The following PTPRG variants were observed in gnomAD, a reference collection of about 807,000 sequenced individuals.
The protein encoded by PTPRG is receptor-type tyrosine-protein phosphatase gamma.
A neutral mutation model predicts 165.3 loss-of-function variants in PTPRG; 102 were observed. That is an observed-to-expected ratio of 0.62 (90% CI 0.53 to 0.73). The LOEUF (loss-of-function observed/expected upper bound fraction) is 0.73, where lower values mean the gene tolerates loss of function less well. PTPRG is among the 30% of genes least tolerant of loss of function. The pLI is 0.00. For synonymous variants in PTPRG, 675 were observed against 669.5 expected, an observed-to-expected ratio of 1.01 and a Z score of -0.13; for missense variants, 1,866 against 1,861.4, an observed-to-expected ratio of 1.00 and a Z score of -0.05.
rs183199541 is a variant in PTPRG at position 61,996,852 on chromosome 3, T to C, written c.371-6497T>C. Among the ~76,000 whole-genome samples the C allele has an allele frequency of 3.1e-3, 474 of 152,292 alleles. 1 individual carries two copies. Among genetic ancestry groups the C allele is most frequent in the Non-Finnish European group, 5.6e-3 (379 of 68,026 alleles). ...CTCTTTGGCTAGATACTCTGCAAGC[T>C]GTGTTTCCTGTCTGCTAAGCTCCAT... is the stretch of plus-strand genomic sequence containing the variant. On this transcript the variant is annotated intron_variant, in intron 3 of 29. Transcript: ENST00000474889.
chr3:61,823,487 G>C (rs771952302), intron 2 of PTPRG, among the ~76,000 whole-genome samples: 2 of 152,070 alleles, frequency 1.3e-5, no homozygotes, highest in Non-Finnish European at 2.9e-5. Context: ...AGGCCTGGCC[G>C]CACAGGGGTT....
At chr3:62,011,915 A>G (rs1276444209) in intron 4 of PTPRG, among the ~76,000 whole-genome samples, 1 of 152,214 alleles carries the variant, frequency 6.6e-6, no homozygotes, top group Non-Finnish European at 1.5e-5. Context: ...AGCTGTTTGA[A>G]TCATACCAAA....
intron 2 of PTPRG, among the ~76,000 whole-genome samples, chr3:61,864,422 T>A (rs1306081022): frequency 6.6e-6 from 1 of 152,100 alleles, no homozygotes; most frequent in Non-Finnish European, 1.5e-5. Context: ...TCCCGATCGC[T>A]GAGTATGGAG....
At chr3:61,880,013 G>C (rs1292959546) in intron 2 of PTPRG, among the ~76,000 whole-genome samples, 2 of 152,148 alleles carry the variant, frequency 1.3e-5, no homozygotes, top group Non-Finnish European at 2.9e-5. Flanking sequence ...CCTAGTGATG[G>C]TTCCTTTGAC....
chr3:62,137,547 G>A (rs546139480), intron 6 of PTPRG, among the ~76,000 whole-genome samples: 5 of 152,150 alleles, frequency 3.3e-5, no homozygotes, highest in Non-Finnish European at 7.3e-5. Context: ...TGCAGGTGTT[G>A]CAGGTTTCAG....
intron 1 of PTPRG, among the ~76,000 whole-genome samples, chr3:61,724,699 G>A (rs1235625034): frequency 6.6e-6 from 1 of 152,058 alleles, no homozygotes; most frequent in Non-Finnish European, 1.5e-5. Context: ...TAGGTATGCA[G>A]TTATATCTCA....
chr3:61,811,043 G>A (rs1193662763), intron 2 of PTPRG, among the ~76,000 whole-genome samples: 2 of 152,130 alleles, frequency 1.3e-5, no homozygotes, highest in Admixed American at 6.5e-5. Flanking sequence ...TTGTTCGAAT[G>A]TGACACTTTC....
chr3:62,293,850 A>T lies in PTPRG; in HGVS notation c.*543A>T, dbSNP rs961099970. ...CTACTGGGACCTAAAAAGGTCTGTT[A>T]ATGTCATGGCCTTGAAACAGTTCCA... On this transcript the variant is annotated 3_prime_UTR_variant, in exon 30 of 30. Coordinates refer to ENST00000474889, the MANE Select transcript of PTPRG (RefSeq NM_002841.4). 1 of 152,514 alleles carries T rather than the reference A, an allele frequency of 6.6e-6. No homozygotes were observed. The highest frequency in any genetic ancestry group is 2.4e-5 in the African/African-American group (1 of 41,404). 9.4% of individuals were successfully genotyped at this position (152,514 alleles called of 1,614,324 possible).
chr3:61,638,618 T>TTTTTTG lies in PTPRG; in HGVS notation c.85+76246_85+76247insTTTTTG, dbSNP rs1553643112. Among the ~76,000 whole-genome samples, 330 of 116,266 alleles carry TTTTTTG rather than the reference T, an allele frequency of 2.8e-3. 11 individuals carry two copies. The highest frequency in any genetic ancestry group is 0.01 in the Middle Eastern group (2 of 194). The allele number at this position is 116,266 out of a possible 152,430, so 76.3% of individuals were successfully genotyped here. On this transcript the variant is annotated intron_variant, in intron 1 of 29. Coordinates refer to ENST00000474889, the MANE Select transcript of PTPRG (RefSeq NM_002841.4). The stretch of plus-strand genomic sequence containing the variant: ...TTTTTTTTTTTTTTTTTTTTTTTTT[T>TTTTTTG]GGGGTAGAGGGATTTCCCTATGTTG...
In PTPRG at chr3:61,817,039, A is replaced by G. The variant is rs527850948; in HGVS notation, c.190+68057A>G. On this transcript the variant is annotated intron_variant, in intron 2 of 29. Coordinates refer to ENST00000474889, the MANE Select transcript of PTPRG (RefSeq NM_002841.4). ...TATACTATATAATATATAGTATATAATATATAATATTATATATAATATATA... is the reference window on the plus strand; with the variant it reads ...TATACTATATAATATATAGTATATAGTATATAATATTATATATAATATATA... Among the ~76,000 whole-genome samples, 939 of 132,114 alleles carry G rather than the reference A, an allele frequency of 7.1e-3. 14 individuals carry two copies. The highest frequency in any genetic ancestry group is 0.024 in the African/African-American group (863 of 35,388). 86.7% of individuals were successfully genotyped at this position (132,114 alleles called of 152,430 possible).
intron 1 of PTPRG, among the ~76,000 whole-genome samples, chr3:61,647,645 A>G (rs1702239198): frequency 6.6e-6 from 1 of 152,070 alleles, no homozygotes; most frequent in Admixed American, 6.5e-5. Context: ...CAAAAAAATT[A>G]GCCGGGCGTG....
intron 2 of PTPRG, among the ~76,000 whole-genome samples, chr3:61,865,288 G>A (rs138618656): frequency 5.3e-4 from 81 of 152,286 alleles, no homozygotes; most frequent in African/African-American, 1.9e-3. Flanking sequence ...AACAACAGCA[G>A]TAATAATAGC....
At chr3:61,827,600 C>T (rs1341135018) in intron 2 of PTPRG, among the ~76,000 whole-genome samples, 2 of 152,170 alleles carry the variant, frequency 1.3e-5, no homozygotes, top group African/African-American at 4.8e-5. Context: ...TCATATTTCT[C>T]TGTCTATCTA....
At chr3:61,872,597 A>G (rs1028686195) in intron 2 of PTPRG, among the ~76,000 whole-genome samples, 1 of 152,068 alleles carries the variant, frequency 6.6e-6, no homozygotes, top group Non-Finnish European at 1.5e-5. Context: ...TGCTCACTCA[A>G]TATTAATCAC....
intron 5 of PTPRG, 130 bp from the exon 6 acceptor site, chr3:62,132,472 G>A (rs905542156): frequency 4.0e-5 from 29 of 718,736 alleles, no homozygotes; most frequent in Non-Finnish European, 7.2e-5. Context: ...TGAGAGCCAT[G>A]GTGTATGTGA....
intron 12 of PTPRG, among the ~76,000 whole-genome samples, chr3:62,207,304 A>C (rs1337318325): frequency 6.6e-6 from 1 of 152,210 alleles, no homozygotes; most frequent in Non-Finnish European, 1.5e-5. Flanking sequence ...ACAATCTGTC[A>C]TTTGCCAACC....
intron 2 of PTPRG, chr3:61,770,163 C>A (rs1323984867): frequency 6.6e-6 from 1 of 152,094 alleles, no homozygotes; most frequent in Non-Finnish European, 1.5e-5. Flanking sequence ...CCATGGAAAG[C>A]CTGGGTGGTG....
rs945281234 is a variant in PTPRG at position 61,562,042 on chromosome 3, AGCCTTTCTCC to A, written c.-242_-233del. The A allele has an allele frequency of 2.0e-5, 10 of 496,150 alleles. No individual in the cohort carries two copies. The highest frequency in any genetic ancestry group is 2.9e-5 in the Non-Finnish European group (8 of 277,482). The allele number at this position is 496,150 out of a possible 1,614,324, so 30.7% of individuals were successfully genotyped here. On this transcript the variant is annotated 5_prime_UTR_variant, in exon 1 of 30. Coordinates refer to ENST00000474889, the MANE Select transcript of PTPRG (RefSeq NM_002841.4). ...GCTCTCTCCTTTTTAAACGGAAAGCAGCCTTTCTCCGCCGAGAGGATCGTCCCCAGCGTGG... is the reference window on the plus strand; with the variant it reads ...GCTCTCTCCTTTTTAAACGGAAAGCAGCCGAGAGGATCGTCCCCAGCGTGG...
At chr3:61,775,665 G>C (rs2034354380) in intron 2 of PTPRG, among the ~76,000 whole-genome samples, 2 of 152,010 alleles carry the variant, frequency 1.3e-5, no homozygotes, top group South Asian at 4.2e-4. Flanking sequence ...AAGAAATCAA[G>C]GTTCTGCAAC....
Sources: gnomAD v4.1 joint callset for allele counts (sites outside exome capture counted in the v4.1 genomes callset) on GRCh38, gnomAD v4.1.1 for gene constraint, MANE v1.5 for transcripts, NCBI Gene and HGNC (gene_info 2026-07-23, HGNC 2026-07-21) for gene names.